Variants in MPDZ observed in about 807,000 individuals in gnomAD.
The protein encoded by MPDZ is multiple PDZ domain crumbs cell polarity complex component, also known as multiple PDZ domain protein.
In MPDZ, 234 loss-of-function variants were observed where a neutral mutation model predicts 239.1. That is an observed-to-expected ratio of 0.98 (90% CI 0.88 to 1.09). The LOEUF (loss-of-function observed/expected upper bound fraction) is 1.09. MPDZ is among the 50% of genes least tolerant of loss of function. MPDZ has a pLI of 0.00. For missense variants in MPDZ, 3,175 were observed against 2,510.0 expected (o/e 1.26, Z -5.66); for synonymous variants, 1,048 against 881.3 (o/e 1.19, Z -3.35).
rs149513300 is a variant in MPDZ, at chr9:13,212,067, C to A, written c.1290+4707G>T. Among the ~76,000 whole-genome samples the A allele has an allele frequency of 5.9e-5, 9 of 152,126 alleles. 1 individual carries two copies. The highest frequency in any genetic ancestry group is 2.6e-4 in the Admixed American group (4 of 15,252). ...CATAGAACTTTAGGCTGTTTTTTAT[C>A]TGCAAAACATTCTTATTGTTCAATT... On this transcript the variant is annotated intron_variant, in intron 10 of 46. Coordinates refer to ENST00000319217, the MANE Select transcript of MPDZ (RefSeq NM_001378778.1).
chr9:13,260,836 T>A lies in MPDZ; in HGVS notation c.-57-10464A>T, dbSNP rs866756832. On this transcript the variant is annotated intron_variant, in intron 1 of 46. Transcript: ENST00000319217. ...TTAGACCTTTCAACCTCCAATACCATGAAAATAAATTTCTATGGTTTACAC... is the reference window on the plus strand; with the variant it reads ...TTAGACCTTTCAACCTCCAATACCAAGAAAATAAATTTCTATGGTTTACAC... 1.2e-4 allele frequency among the ~76,000 whole-genome samples: 19 copies of A among 152,286 alleles called. No individual in the cohort carries two copies. The South Asian group carries it at 3.7e-3, about 30-fold the overall frequency.
intron 26 of MPDZ, among the ~76,000 whole-genome samples, chr9:13,146,837 C>G (rs1948500553): frequency 6.6e-6 from 1 of 151,966 alleles, no homozygotes; most frequent in South Asian, 2.1e-4. Flanking sequence ...CAAGTCATAA[C>G]AAATCCAAAG....
At chr9:13,184,602 T>C (rs1006927026) in intron 18 of MPDZ, among the ~76,000 whole-genome samples, 2 of 151,998 alleles carry the variant, frequency 1.3e-5, no homozygotes, top group East Asian at 1.9e-4. Flanking sequence ...AATTCACTAG[T>C]GAGTCACTAT....
chr9:13,234,723 T>C (rs1459155682), intron 3 of MPDZ, among the ~76,000 whole-genome samples: 1 of 152,178 alleles, frequency 6.6e-6, no homozygotes, highest in Non-Finnish European at 1.5e-5. Flanking sequence ...CCATATTTTT[T>C]GTTTATTTGC....
chr9:13,251,128 CAA>C (rs150252589), intron 1 of MPDZ, among the ~76,000 whole-genome samples: 8 of 36,444 alleles, frequency 2.2e-4, no homozygotes, highest in Admixed American at 3.8e-4. Flanking sequence ...GACTCCATCT[CAA>C]AAAAAAAAAA....
At chr9:13,277,873 C>T (rs138614087) in intron 1 of MPDZ, among the ~76,000 whole-genome samples, 1 of 152,184 alleles carries the variant, frequency 6.6e-6, no homozygotes, top group African/African-American at 2.4e-5. Flanking sequence ...CCAAGTTTTG[C>T]TAGGTTTTTA....
intron 1 of MPDZ, 67 bp downstream of exon 1, chr9:13,279,333 C>A (rs1239295045): frequency 1.4e-5 from 2 of 140,090 alleles, no homozygotes; most frequent in South Asian, 2.2e-4. Context: ...GCACCTTCCC[C>A]GCCGGCGCGC....
intron 24 of MPDZ, among the ~76,000 whole-genome samples, chr9:13,155,738 T>C (rs974604511): frequency 2.0e-5 from 3 of 152,230 alleles, no homozygotes; most frequent in African/African-American, 7.2e-5. Context: ...ATGTTTTCAA[T>C]GCTATGAACC....
chr9:13,168,977 C>T (rs1266961871), intron 21 of MPDZ, among the ~76,000 whole-genome samples: 1 of 152,092 alleles, frequency 6.6e-6, no homozygotes, highest in Non-Finnish European at 1.5e-5. Flanking sequence ...AAGCAATTAT[C>T]CGCTATTACC....
At chr9:13,175,395 T>G (rs1009104330) in intron 21 of MPDZ, among the ~76,000 whole-genome samples, 1 of 152,190 alleles carries the variant, frequency 6.6e-6, no homozygotes, top group African/African-American at 2.4e-5. Flanking sequence ...TCAAAGTAAC[T>G]AATAATTTAC....
intron 10 of MPDZ, among the ~76,000 whole-genome samples, chr9:13,209,345 A>G (rs532904111): frequency 3.3e-5 from 5 of 152,282 alleles, no homozygotes; most frequent in African/African-American, 9.6e-5. Flanking sequence ...ACAGAAAACA[A>G]AAACAGGCAA....
chr9:13,189,572 T>C (rs1295295344), intron 16 of MPDZ, among the ~76,000 whole-genome samples: 1 of 152,062 alleles, frequency 6.6e-6, no homozygotes, highest in Non-Finnish European at 1.5e-5. Flanking sequence ...GCTTTCTGAT[T>C]TAGTGTAAGT....
intron 16 of MPDZ, 123 bp downstream of exon 16, chr9:13,189,991 C>G (rs1297049281): frequency 2.5e-6 from 2 of 802,866 alleles, no homozygotes; most frequent in East Asian, 2.7e-5. Context: ...CTATAAATCA[C>G]TATTTTGAAA....
chr9:13,240,706 C>G (rs1965198700), intron 3 of MPDZ, among the ~76,000 whole-genome samples: 1 of 150,886 alleles, frequency 6.6e-6, no homozygotes, highest in African/African-American at 2.4e-5. Context: ...CCCCCAATTT[C>G]CTCACTGGAT....
chr9:13,114,827 G>GAGGGA (rs1228072502), intron 40 of MPDZ, among the ~76,000 whole-genome samples: 1 of 152,028 alleles, frequency 6.6e-6, no homozygotes, highest in Non-Finnish European at 1.5e-5. Context: ...CTTCGCCCGG[G>GAGGGA]AGGCGAAGGT....
In MPDZ at chr9:13,109,683, C is replaced by T. The variant is rs73404387; in HGVS notation, c.5942+269G>A. Among the ~76,000 whole-genome samples, 646 of 152,206 alleles carry T rather than the reference C, an allele frequency of 4.2e-3. 5 individuals are homozygous for T. The highest frequency in any genetic ancestry group is 0.014 in the African/African-American group (566 of 41,512). On this transcript the variant is annotated intron_variant, in intron 45 of 46. Transcript: ENST00000319217. The stretch of plus-strand genomic sequence containing the variant: ...GTAACATCAAGACTAAAATGTCCTC[C>T]GCCCCAAAATCAGAGCTGAAACCAT...
intron 17 of MPDZ, 82 bp downstream of exon 17, chr9:13,188,702 G>A (rs1237208594): frequency 8.4e-7 from 1 of 1,195,864 alleles, no homozygotes; most frequent in African/African-American, 1.5e-5. Context: ...ATTCAATCAT[G>A]AGAACACCTA....
At chr9:13,205,257 T>C in intron 11 of MPDZ, 150 bp from the exon 12 acceptor site, 2 of 451,104 alleles carry the variant, frequency 4.4e-6, no homozygotes, top group South Asian at 1.1e-4. Flanking sequence ...TAAAGGCAAG[T>C]TCTGTTAGTG....
chr9:13,165,147 A>G (rs1383534232), intron 22 of MPDZ, among the ~76,000 whole-genome samples: 1 of 152,174 alleles, frequency 6.6e-6, no homozygotes, highest in African/African-American at 2.4e-5. Context: ...ATGATTTTCA[A>G]ATGAGTTCAC....
Sources: allele counts gnomAD v4.1 joint callset (sites outside exome capture counted in the v4.1 genomes callset), GRCh38; gene constraint gnomAD v4.1.1; transcripts MANE v1.5; gene names NCBI Gene and HGNC (gene_info 2026-07-23, HGNC 2026-07-21).